The following PLD5 variants were observed in gnomAD, a reference collection of about 807,000 sequenced individuals.
PLD5 encodes phospholipase D family member 5, also known as inactive phospholipase D5.
PLD5 carries 36 observed loss-of-function variants against 61.1 expected under a neutral mutation model. The observed-to-expected ratio is 0.59, with a 90% CI of 0.45 to 0.78. The LOEUF is 0.78. Among genes scored for constraint, PLD5 ranks in the 30% least tolerant of loss-of-function variants. The pLI is 0.00. For synonymous variants in PLD5, 243 were observed against 242.8 expected, an observed-to-expected ratio of 1.00 and a Z score of -0.01; for missense variants, 515 against 644.4, an observed-to-expected ratio of 0.80 and a Z score of 2.17.
intron 1 of PLD5, among the ~76,000 whole-genome samples, chr1:242,482,438 A>C (rs1292786062): frequency 6.6e-6 from 1 of 152,260 alleles, no homozygotes; most frequent in Non-Finnish European, 1.5e-5. Context: ...TGATTTGATC[A>C]ACTGGAAGAA....
At chr1:242,202,474 T>C (rs1455733090) in intron 5 of PLD5, among the ~76,000 whole-genome samples, 1 of 152,146 alleles carries the variant, frequency 6.6e-6, no homozygotes, top group Non-Finnish European at 1.5e-5. Flanking sequence ...CATACAGCCT[T>C]GTCATGCCAG....
chr1:242,271,079 C>T (rs1674035961), intron 3 of PLD5, among the ~76,000 whole-genome samples: 1 of 151,834 alleles, frequency 6.6e-6, no homozygotes, highest in Non-Finnish European at 1.5e-5. Context: ...TTAGAACTAA[C>T]TTAGAAGAGT....
chr1:242,479,975 T>C lies in PLD5; in HGVS notation c.189+44113A>G, dbSNP rs899053925. Among the ~76,000 whole-genome samples, 3 of 150,040 alleles carry C rather than the reference T, an allele frequency of 2.0e-5. No individual in the cohort carries two copies. The Admixed American group carries it at 2.0e-4, about 10-fold the overall frequency. ...CTGAGGCATGGGAATCACTTGAACCTGGAAGGCACAGATTGCAGTAAGTCG... is the reference window on the plus strand; with the variant it reads ...CTGAGGCATGGGAATCACTTGAACCCGGAAGGCACAGATTGCAGTAAGTCG... On this transcript the variant is annotated intron_variant, in intron 1 of 9. Transcript: ENST00000536534.
intron 1 of PLD5, among the ~76,000 whole-genome samples, chr1:242,367,581 C>T (rs1486850455): frequency 6.6e-6 from 1 of 152,194 alleles, no homozygotes; most frequent in Non-Finnish European, 1.5e-5. Context: ...GCAGCATACT[C>T]AGTCTCTCCT....
intron 5 of PLD5, among the ~76,000 whole-genome samples, chr1:242,212,017 T>C (rs316852): frequency 0.51 from 77,889 of 151,980 alleles, 20,726 homozygotes; most frequent in East Asian, 0.76. Context: ...TCTTAAACAT[T>C]GCATGCAAGG....
At chr1:242,447,498 T>G (rs957698083) in intron 1 of PLD5, among the ~76,000 whole-genome samples, 5 of 152,266 alleles carry the variant, frequency 3.3e-5, no homozygotes, top group African/African-American at 1.2e-4. Flanking sequence ...AGGTGAAATA[T>G]GGTTGCCTAG....
chr1:242,375,172 GCAGGT>G (rs1661873062), intron 1 of PLD5, among the ~76,000 whole-genome samples: 1 of 152,202 alleles, frequency 6.6e-6, no homozygotes, highest in African/African-American at 2.4e-5. Flanking sequence ...CTCAGAGTCT[GCAGGT>G]AGTGGCAACA....
At chr1:242,367,825 G>A (rs1661427267) in intron 1 of PLD5, among the ~76,000 whole-genome samples, 1 of 152,200 alleles carries the variant, frequency 6.6e-6, no homozygotes, top group South Asian at 2.1e-4. Flanking sequence ...GAGAATGAGA[G>A]AAGTTGCCCC....
intron 1 of PLD5, among the ~76,000 whole-genome samples, chr1:242,452,365 G>C (rs189633449): frequency 6.6e-6 from 1 of 152,104 alleles, no homozygotes; most frequent in South Asian, 2.1e-4. Flanking sequence ...ACACTTTTCA[G>C]CTTGATCTTG....
intron 1 of PLD5, among the ~76,000 whole-genome samples, chr1:242,510,538 C>T (rs1668870892): frequency 6.6e-6 from 1 of 152,128 alleles, no homozygotes; most frequent in Non-Finnish European, 1.5e-5. Context: ...AAGGATATTT[C>T]AAGAGTTTTA....
intron 2 of PLD5, among the ~76,000 whole-genome samples, chr1:242,308,537 AGTT>A (rs995459650): frequency 3.3e-5 from 5 of 152,214 alleles, no homozygotes; most frequent in African/African-American, 1.2e-4. Flanking sequence ...TTACAAATCT[AGTT>A]GTATGTACAG....
At chr1:242,449,837 A>C (rs888612174) in intron 1 of PLD5, among the ~76,000 whole-genome samples, 1 of 152,190 alleles carries the variant, frequency 6.6e-6, no homozygotes, top group Non-Finnish European at 1.5e-5. Flanking sequence ...AATCCTGCCT[A>C]GACAAAGACG....
intron 5 of PLD5, among the ~76,000 whole-genome samples, chr1:242,204,879 C>T (rs572674262): frequency 6.6e-6 from 1 of 152,156 alleles, no homozygotes; most frequent in African/African-American, 2.4e-5. Flanking sequence ...AGCTTAGTAA[C>T]AGCCAAAAAA....
intron 7 of PLD5, among the ~76,000 whole-genome samples, chr1:242,111,785 TAGAA>T (rs71781719): frequency 0.055 from 8,401 of 152,206 alleles, 784 homozygotes; most frequent in African/African-American, 0.19. Flanking sequence ...CCTTTCAATT[TAGAA>T]AGTTAAAAGC....
At chr1:242,457,366 A>G (rs1666975211) in intron 1 of PLD5, among the ~76,000 whole-genome samples, 1 of 152,192 alleles carries the variant, frequency 6.6e-6, no homozygotes, top group African/African-American at 2.4e-5. Flanking sequence ...TGCTCACGTT[A>G]AATTTTCTTA....
intron 5 of PLD5, among the ~76,000 whole-genome samples, chr1:242,213,120 T>C (rs35585317): frequency 0.34 from 52,281 of 152,080 alleles, 9,155 homozygotes; most frequent in South Asian, 0.43. Context: ...TCCCCCGTGG[T>C]GATTCCTCAC....
intron 1 of PLD5, among the ~76,000 whole-genome samples, chr1:242,357,108 G>T (rs930895134): frequency 6.6e-6 from 1 of 151,984 alleles, no homozygotes; most frequent in Non-Finnish European, 1.5e-5. Flanking sequence ...CTGTAAGAGA[G>T]ACCTAATAAT....
At chr1:242,475,383 A>C (rs551538704) in intron 1 of PLD5, among the ~76,000 whole-genome samples, 9 of 138,240 alleles carry the variant, frequency 6.5e-5, no homozygotes, top group Non-Finnish European at 1.1e-4. Context: ...AGATTGCGCC[A>C]CTGCACTCCA....
rs190049145 is a variant in PLD5 at position 242,264,766 on chromosome 1, C to A, written c.607+571G>T. ...AGTAAAAACTATTTGGATGTGAGAGCTCAATTCGGTTGACATTATAGCAAA... is the reference window on the plus strand; with the variant it reads ...AGTAAAAACTATTTGGATGTGAGAGATCAATTCGGTTGACATTATAGCAAA... On this transcript the variant is annotated intron_variant, in intron 4 of 9. Coordinates refer to ENST00000536534, the MANE Select transcript of PLD5 (RefSeq NM_001372062.1). 8.3e-3 allele frequency among the ~76,000 whole-genome samples: 1,259 copies of A among 152,142 alleles called. 26 individuals are homozygous for A. Among genetic ancestry groups the A allele is most frequent in the African/African-American group, 0.029 (1,186 of 41,460 alleles).
Sources: gnomAD v4.1 joint callset for allele counts (sites outside exome capture counted in the v4.1 genomes callset) on GRCh38, gnomAD v4.1.1 for gene constraint, MANE v1.5 for transcripts, NCBI Gene and HGNC (gene_info 2026-07-23, HGNC 2026-07-21) for gene names.